The following ATE1 variants were observed in gnomAD, a reference collection of about 807,000 sequenced individuals.
ATE1 encodes the protein arginyltransferase 1.
A neutral mutation model predicts 70.5 loss-of-function variants in ATE1; 36 were observed. That is an observed-to-expected ratio of 0.51 (90% CI 0.39 to 0.67). The LOEUF is 0.67. Ranked by LOEUF, ATE1 falls within the 30% of genes least tolerant of loss-of-function variation. The probability of loss-of-function intolerance (pLI) is 0.00; values close to 1 mark genes in which losing one functional copy is unlikely to be tolerated. For missense variants in ATE1, 593 were observed against 629.5 expected, an observed-to-expected ratio of 0.94 and a Z score of 0.62; for synonymous variants, 232 against 219.3, an observed-to-expected ratio of 1.06 and a Z score of -0.51.
At chr10:121,904,396 C>T (rs948085156) in intron 5 of ATE1, among the ~76,000 whole-genome samples, 1 of 151,356 alleles carries the variant, frequency 6.6e-6, no homozygotes, top group Non-Finnish European at 1.5e-5. Context: ...AATCCCAGCA[C>T]TTTGGGAGGC....
chr10:121,891,288 C>T (rs570488451), intron 7 of ATE1, among the ~76,000 whole-genome samples: 5 of 152,042 alleles, frequency 3.3e-5, no homozygotes, highest in Non-Finnish European at 5.9e-5. Flanking sequence ...GACCCTCCCA[C>T]CCTAGTCTTT....
intron 8 of ATE1, among the ~76,000 whole-genome samples, chr10:121,848,718 C>A (rs1253629658): frequency 7.3e-6 from 1 of 136,728 alleles, no homozygotes; most frequent in Non-Finnish European, 1.7e-5. Flanking sequence ...CGAGACCAGC[C>A]TGGCCAACTT....
intron 11 of ATE1, among the ~76,000 whole-genome samples, chr10:121,768,907 C>T (rs2135855132): frequency 6.6e-6 from 1 of 152,080 alleles, no homozygotes; most frequent in East Asian, 1.9e-4. Flanking sequence ...AATCAAAGCT[C>T]TAAATAAATG....
chr10:121,850,436 T>A (rs1949010922), intron 8 of ATE1, among the ~76,000 whole-genome samples: 1 of 152,232 alleles, frequency 6.6e-6, no homozygotes, highest in South Asian at 2.1e-4. Context: ...AGAAGCCTCC[T>A]TAACTCACTT....
At chr10:121,900,711 G>T (rs1257673740) in intron 6 of ATE1, among the ~76,000 whole-genome samples, 1 of 152,182 alleles carries the variant, frequency 6.6e-6, no homozygotes, top group Non-Finnish European at 1.5e-5. Flanking sequence ...TGTGTGCCGT[G>T]AGACGTAATT....
chr10:121,908,868 C>T lies in ATE1; in HGVS notation c.583+2038G>A, dbSNP rs560377396. 1.2e-3 allele frequency among the ~76,000 whole-genome samples: 183 copies of T among 152,256 alleles called. 1 individual carries two copies. Among genetic ancestry groups the T allele is most frequent in the African/African-American group, 4.3e-3 (177 of 41,546 alleles). The stretch of plus-strand genomic sequence containing the variant: ...CTATATCCAACTATCAATTTATAAG[C>T]GGGCAGAGGAACATGTTAAACTGCA... On this transcript the variant is annotated intron_variant, in intron 5 of 11. Coordinates refer to ENST00000224652, the MANE Select transcript of ATE1 (RefSeq NM_001001976.3).
At chr10:121,887,112 T>C (rs1378371647) in intron 7 of ATE1, among the ~76,000 whole-genome samples, 1 of 152,180 alleles carries the variant, frequency 6.6e-6, no homozygotes, top group Non-Finnish European at 1.5e-5. Context: ...TTCATACTTC[T>C]TGGGCTGTGA....
intron 5 of ATE1, among the ~76,000 whole-genome samples, chr10:121,910,621 T>C (rs1290058062): frequency 6.6e-6 from 1 of 151,868 alleles, no homozygotes; most frequent in Non-Finnish European, 1.5e-5. Context: ...GAGAAAAATT[T>C]GATTCTCAAC....
intron 7 of ATE1, among the ~76,000 whole-genome samples, chr10:121,895,225 G>A (rs937009076): frequency 5.3e-5 from 8 of 152,096 alleles, no homozygotes; most frequent in Admixed American, 2.0e-4. Flanking sequence ...GTAATTCCAC[G>A]CGTACGTATA....
chr10:121,790,832 C>A (rs1157406357), intron 10 of ATE1, among the ~76,000 whole-genome samples: 1 of 151,686 alleles, frequency 6.6e-6, no homozygotes, highest in African/African-American at 2.4e-5. Flanking sequence ...AACTGATAAA[C>A]GTATAATAAA....
At position 121,880,383 on chromosome 10, in the gene ATE1, T is replaced by C. The variant is rs555479833; in HGVS notation, c.943-10345A>G. Among the ~76,000 whole-genome samples, 64 of 152,176 alleles carry C rather than the reference T, an allele frequency of 4.2e-4. 1 individual carries two copies. The South Asian group carries it at 0.013, about 31-fold the overall frequency. The stretch of plus-strand genomic sequence containing the variant: ...CATACAAGAACCAAACATGTCTTAT[T>C]CATCTATGCATCCCTAGTATCTACC... On this transcript the variant is annotated intron_variant, in intron 7 of 11. Transcript: ENST00000224652.
chr10:121,880,597 T>G (rs1950197637), intron 7 of ATE1, among the ~76,000 whole-genome samples: 1 of 150,412 alleles, frequency 6.6e-6, no homozygotes, highest in Non-Finnish European at 1.5e-5. Flanking sequence ...ATATAAATAT[T>G]TAGAGACCTA....
Position 121,751,242 on chromosome 10 carries a change from T to A in ATE1, c.1379-7384A>T, listed in dbSNP as rs573908050. Among the ~76,000 whole-genome samples, 400 of 152,342 alleles carry A rather than the reference T, an allele frequency of 2.6e-3. 3 individuals are homozygous for A. Among genetic ancestry groups the A allele is most frequent in the African/African-American group, 9.2e-3 (382 of 41,576 alleles). ...CTAAGAAATATCTAAGCTTGTAAAA[T>A]GTCATTTAATAACAGCTTTATTGTG... On this transcript the variant is annotated intron_variant, in intron 11 of 11. Coordinates refer to ENST00000224652, the MANE Select transcript of ATE1 (RefSeq NM_001001976.3).
chr10:121,785,562 G>A (rs995277445), intron 11 of ATE1, among the ~76,000 whole-genome samples: 39 of 152,064 alleles, frequency 2.6e-4, no homozygotes, highest in Non-Finnish European at 5.1e-4. Flanking sequence ...AAAATGCCAG[G>A]GTACCATGCC....
rs57035123 is a variant in ATE1, at chr10:121,819,679, C to CAAAAAAA, written c.1257+17032_1257+17038dup. 5.9e-3 allele frequency among the ~76,000 whole-genome samples: 311 copies of CAAAAAAA among 52,686 alleles called. 56 individuals carry two copies. The highest frequency in any genetic ancestry group is 0.025 in the African/African-American group (285 of 11,420). The allele number at this position is 52,686 out of a possible 152,430, so 34.6% of individuals were successfully genotyped here. Reference sequence around the variant, plus strand: ...CCTGGGTGACAGAGCAAGACTGTCTCAAAAAAAAAAAAAAAAAAAAAAGAC... The same window carrying CAAAAAAA: ...CCTGGGTGACAGAGCAAGACTGTCTCAAAAAAAAAAAAAAAAAAAAAAAAAAAAAGAC... On this transcript the variant is annotated intron_variant, in intron 10 of 11. Coordinates refer to ENST00000224652, the MANE Select transcript of ATE1 (RefSeq NM_001001976.3).
intron 7 of ATE1, among the ~76,000 whole-genome samples, chr10:121,880,393 A>C (rs1401446915): frequency 6.6e-6 from 1 of 152,062 alleles, no homozygotes; most frequent in Non-Finnish European, 1.5e-5. Context: ...TCATCTATGC[A>C]TCCCTAGTAT....
intron 8 of ATE1, among the ~76,000 whole-genome samples, chr10:121,842,027 C>A (rs1948649282): frequency 1.3e-5 from 2 of 152,086 alleles, no homozygotes; most frequent in Non-Finnish European, 2.9e-5. Flanking sequence ...TGAGATACTG[C>A]CAGTTAAGCC....
At chr10:121,762,764 T>C (rs184779204) in intron 11 of ATE1, among the ~76,000 whole-genome samples, 28 of 152,354 alleles carry the variant, frequency 1.8e-4, no homozygotes, top group African/African-American at 6.0e-4. Context: ...TAAATAATTA[T>C]CTTACTAGCT....
At chr10:121,856,011 G>A (rs1355681387) in intron 8 of ATE1, among the ~76,000 whole-genome samples, 4 of 148,838 alleles carry the variant, frequency 2.7e-5, no homozygotes. Flanking sequence ...AGGAGGCGGA[G>A]ACTGCAGTGA....
Sources: gnomAD v4.1 joint callset for allele counts (sites outside exome capture counted in the v4.1 genomes callset) on GRCh38, gnomAD v4.1.1 for gene constraint, MANE v1.5 for transcripts, NCBI Gene and HGNC (gene_info 2026-07-23, HGNC 2026-07-21) for gene names.